SPEF2: variants seen among roughly 807,000 people sequenced by gnomAD.
The protein encoded by SPEF2 is sperm flagella and cilia-associated protein 2.
A neutral mutation model predicts 224.6 loss-of-function variants in SPEF2; 187 were observed. The observed-to-expected ratio is 0.83, with a 90% CI of 0.74 to 0.94. SPEF2 has a LOEUF of 0.94. Ranked by LOEUF, SPEF2 falls within the 40% of genes least tolerant of loss-of-function variation. The pLI is 0.00. For missense variants in SPEF2, 2,170 were observed against 2,135.6 expected (o/e 1.02, Z -0.32); for synonymous variants, 715 against 707.3 (o/e 1.01, Z -0.17).
chr5:35,712,516 C>T (rs1368107267), intron 19 of SPEF2, among the ~76,000 whole-genome samples: 1 of 152,194 alleles, frequency 6.6e-6, no homozygotes, highest in Admixed American at 6.5e-5. Context: ...AATGCCACAG[C>T]TAGTTCCATT....
chr5:35,636,847 G>A (rs1214621365), intron 2 of SPEF2, among the ~76,000 whole-genome samples: 1 of 151,754 alleles, frequency 6.6e-6, no homozygotes, highest in Non-Finnish European at 1.5e-5. Context: ...ATGGTGGTGG[G>A]CACCTGTATT....
At chr5:35,679,510 G>T (rs1377478450) in intron 10 of SPEF2, among the ~76,000 whole-genome samples, 1 of 152,182 alleles carries the variant, frequency 6.6e-6, no homozygotes, top group Admixed American at 6.5e-5. Flanking sequence ...GGGCAATAGA[G>T]GCCACAAACA....
intron 5 of SPEF2, among the ~76,000 whole-genome samples, chr5:35,648,333 C>T (rs578127258): frequency 1.1e-3 from 168 of 151,472 alleles, no homozygotes; most frequent in Non-Finnish European, 1.9e-3. Context: ...ATTTCACTAT[C>T]TACCTTTCAT....
intron 21 of SPEF2, among the ~76,000 whole-genome samples, chr5:35,730,138 C>A (rs1436628823): frequency 6.6e-6 from 1 of 152,158 alleles, no homozygotes; most frequent in African/African-American, 2.4e-5. Flanking sequence ...CCCAGGTAAA[C>A]CTTACTTCAA....
intron 2 of SPEF2, among the ~76,000 whole-genome samples, chr5:35,634,791 A>G (rs1436004433): frequency 6.6e-6 from 1 of 152,088 alleles, no homozygotes; most frequent in East Asian, 1.9e-4. Context: ...TATTGCTAGC[A>G]TCTTACATTG....
chr5:35,721,790 C>A (rs1398215166), intron 20 of SPEF2, among the ~76,000 whole-genome samples: 1 of 152,112 alleles, frequency 6.6e-6, no homozygotes, highest in Non-Finnish European at 1.5e-5. Flanking sequence ...CTTTAAGAGA[C>A]AGAGTTAGGA....
chr5:35,715,410 T>A (rs564544504), intron 20 of SPEF2, among the ~76,000 whole-genome samples: 46 of 152,204 alleles, frequency 3.0e-4, no homozygotes, highest in African/African-American at 8.4e-4. Flanking sequence ...CAACTTAACA[T>A]AGCAGTGGAG....
chr5:35,695,883 A>C, intron 14 of SPEF2, 87 bp downstream of exon 14: 9 of 923,406 alleles, frequency 9.7e-6, no homozygotes, highest in South Asian at 1.8e-5. Flanking sequence ...AATGCAATGA[A>C]ATTGCAATGT....
chr5:35,690,603 C>T (rs947019131), intron 10 of SPEF2, among the ~76,000 whole-genome samples: 9 of 152,114 alleles, frequency 5.9e-5, no homozygotes, highest in East Asian at 1.9e-4. Flanking sequence ...CTGAATAAAG[C>T]GGGAGTTAAA....
chr5:35,623,139 T>C (rs141307476), intron 1 of SPEF2, among the ~76,000 whole-genome samples: 143 of 152,192 alleles, frequency 9.4e-4, no homozygotes, highest in African/African-American at 3.2e-3. Context: ...CTTGGACTTG[T>C]GTTAGGTGTT....
chr5:35,776,640 G>C (rs1343503351), intron 29 of SPEF2, among the ~76,000 whole-genome samples: 4 of 152,110 alleles, frequency 2.6e-5, no homozygotes, highest in Admixed American at 6.5e-5. Context: ...ATATTTATGA[G>C]TTTAGCTGTC....
intron 23 of SPEF2, among the ~76,000 whole-genome samples, chr5:35,748,722 A>G (rs1350498261): frequency 1.3e-5 from 2 of 152,202 alleles, no homozygotes; most frequent in Non-Finnish European, 2.9e-5. Context: ...AGGTGGATTC[A>G]CAGTAAAATT....
intron 4 of SPEF2, among the ~76,000 whole-genome samples, chr5:35,645,534 A>G (rs991676447): frequency 6.6e-6 from 1 of 152,202 alleles, no homozygotes; most frequent in African/African-American, 2.4e-5. Flanking sequence ...ATGTAATTAT[A>G]TGACTTGCCA....
chr5:35,774,080 C>G (rs564761558), intron 28 of SPEF2, 59 bp downstream of exon 28: 48 of 1,574,304 alleles, frequency 3.0e-5, no homozygotes, highest in Non-Finnish European at 4.0e-5. Context: ...AGTAGCCAAA[C>G]AGCCCACAAC....
intron 31 of SPEF2, 65 bp from the exon 32 acceptor site, chr5:35,793,094 G>A: frequency 7.0e-7 from 1 of 1,420,798 alleles, no homozygotes; most frequent in East Asian, 2.3e-5. Flanking sequence ...ATGAAAATAT[G>A]AGCAAGTAGA....
At chr5:35,729,956 C>T (rs549701769) in intron 21 of SPEF2, among the ~76,000 whole-genome samples, 1 of 152,198 alleles carries the variant, frequency 6.6e-6, no homozygotes, top group African/African-American at 2.4e-5. Context: ...CCAATTAAAC[C>T]TTTTTCTTCC....
intron 10 of SPEF2, among the ~76,000 whole-genome samples, chr5:35,684,479 T>C (rs1160494527): frequency 6.6e-6 from 1 of 152,212 alleles, no homozygotes; most frequent in Non-Finnish European, 1.5e-5. Context: ...GGCCACATTC[T>C]ACAGCTAGTG....
chr5:35,790,845 T>A (rs988206717), intron 30 of SPEF2: 21 of 152,394 alleles, frequency 1.4e-4, no homozygotes, highest in Admixed American at 1.4e-3. Context: ...TATGTAATTA[T>A]GTTATTGCAA....
At chr5:35,654,959 A>G (rs933116462) in intron 7 of SPEF2, among the ~76,000 whole-genome samples, 10 of 152,076 alleles carry the variant, frequency 6.6e-5, no homozygotes, top group Admixed American at 3.3e-4. Context: ...AGACAAATGT[A>G]TACTTTAAAA....
Sources: gnomAD v4.1 joint callset for allele counts (sites outside exome capture counted in the v4.1 genomes callset) on GRCh38, gnomAD v4.1.1 for gene constraint, MANE v1.5 for transcripts, NCBI Gene and HGNC (gene_info 2026-07-23, HGNC 2026-07-21) for gene names.